Variants in GRAMD2B observed in about 807,000 individuals in gnomAD.
GRAMD2B encodes GRAM domain-containing protein 2B.
Under a neutral mutation model 59.2 loss-of-function variants are expected in GRAMD2B, and 41 were observed. The ratio of observed to expected loss-of-function variants is 0.69; its 90% CI spans 0.54 to 0.90. The LOEUF is 0.90. GRAMD2B is among the 40% of genes least tolerant of loss of function. The probability of loss-of-function intolerance (pLI) is 0.00; values close to 1 mark genes in which losing one functional copy is unlikely to be tolerated. For synonymous variants in GRAMD2B, 161 were observed against 182.7 expected (o/e 0.88, Z 0.96); for missense variants, 424 against 500.5 (o/e 0.85, Z 1.46).
chr5:126,468,179 C>T (rs1225322274), intron 2 of GRAMD2B, among the ~76,000 whole-genome samples: 3 of 152,156 alleles, frequency 2.0e-5, no homozygotes, highest in African/African-American at 4.8e-5. Context: ...GAAATGACTG[C>T]GTTTAGCCGT....
In GRAMD2B at chr5:126,371,495, C is replaced by T. The variant is rs139792816; in HGVS notation, c.53C>T (p.Pro18Leu). 459 of 1,289,254 alleles carry T rather than the reference C, an allele frequency of 3.6e-4. No homozygotes were observed. In the African/African-American group the frequency reaches 3.9e-3, roughly 11 times the overall value. 79.9% of individuals were successfully genotyped at this position (1,289,254 alleles called of 1,614,324 possible). A position where few individuals can be genotyped will look rare whatever the true frequency, so the allele number is the denominator to read the frequency against. ...GACACGGTGTTCCGGTTTGAGACTC[C>T]GGGCAGCCCAAGGAAGGCCAACGTG... The change falls in exon 1 of 9, where the codon CCG becomes CTG. Residue 18 changes from proline to leucine, a missense_variant. Pro to Leu is a moderately conservative substitution (Grantham distance 98). Coordinates refer to the GRAMD2B transcript ENST00000506445.
chr5:126,380,522 C>T (rs1755576304), intron 1 of GRAMD2B, among the ~76,000 whole-genome samples: 1 of 152,148 alleles, frequency 6.6e-6, no homozygotes, highest in Non-Finnish European at 1.5e-5. Flanking sequence ...TTCATTCTAC[C>T]TATCCATGAG....
intron 10 of GRAMD2B, among the ~76,000 whole-genome samples, chr5:126,485,094 T>A (rs1428028282): frequency 6.6e-6 from 1 of 152,176 alleles, no homozygotes; most frequent in Non-Finnish European, 1.5e-5. Context: ...TTTCTGTTAC[T>A]GTAACCCCAG....
intron 1 of GRAMD2B, among the ~76,000 whole-genome samples, chr5:126,385,821 C>T (rs892488320): frequency 6.6e-6 from 1 of 152,036 alleles, no homozygotes; most frequent in African/African-American, 2.4e-5. Flanking sequence ...TCCATGGAGT[C>T]GTAAAGCAGC....
At chr5:126,368,521 G>T (rs1284542809), upstream of GRAMD2B, among the ~76,000 whole-genome samples, 2 of 152,136 alleles carry the variant, frequency 1.3e-5, no homozygotes, top group African/African-American at 4.8e-5. Flanking sequence ...GAAATTCACC[G>T]GGCAAGCCCC....
At position 126,473,364 on chromosome 5, in the gene GRAMD2B, C is replaced by A; in HGVS notation, c.482C>A (p.Thr161Lys). The change falls in exon 5 of 14, where the codon ACA becomes AAA. Residue 161 changes from threonine (T) to lysine (K), a missense_variant. Thr to Lys is a moderately conservative substitution (Grantham distance 78). Transcript: ENST00000285689. Reference sequence around the variant, plus strand: ...CATTCCAAAGTCTTTGGAAAAGACACAAAGGTTGGTATAATTAAAAAAAAA... The same window carrying A: ...CATTCCAAAGTCTTTGGAAAAGACAAAAAGGTTGGTATAATTAAAAAAAAA... ...CFHSKVFGKD[T>K]KISIPAFSVT... 2.3e-6 allele frequency: 3 copies of A among 1,328,218 alleles called. No homozygotes were observed. Among genetic ancestry groups the A allele is most frequent in the Non-Finnish European group, 1.0e-6 (1 of 965,778 alleles). 82.3% of individuals were successfully genotyped at this position (1,328,218 alleles called of 1,614,324 possible).
At position 126,447,671 on chromosome 5, in the gene GRAMD2B, G is replaced by GAAAA. The variant is rs113356500; in HGVS notation, c.84-17743_84-17740dup. 4.5e-3 allele frequency among the ~76,000 whole-genome samples: 539 copies of GAAAA among 120,170 alleles called. 7 individuals are homozygous for GAAAA. The highest frequency in any genetic ancestry group is 0.015 in the African/African-American group (519 of 34,452). 78.8% of individuals were successfully genotyped at this position (120,170 alleles called of 152,430 possible). A position where few individuals can be genotyped will look rare whatever the true frequency, so the allele number is the denominator to read the frequency against. On this transcript the variant is annotated intron_variant, in intron 1 of 13. Coordinates refer to ENST00000285689, the MANE Select transcript of GRAMD2B (RefSeq NM_023927.4). ...AGAGCAAGACTCCGTCTCAAAAAAAGAAAAAAAAAAAAAAAGAAAGAGATC... is the reference window on the plus strand; with the variant it reads ...AGAGCAAGACTCCGTCTCAAAAAAAGAAAAAAAAAAAAAAAAAAAGAAAGAGATC...
intron 1 of GRAMD2B, among the ~76,000 whole-genome samples, chr5:126,460,970 C>G (rs1215405520): frequency 6.6e-6 from 1 of 152,142 alleles, no homozygotes; most frequent in Non-Finnish European, 1.5e-5. Flanking sequence ...GTAAAACTAC[C>G]TCTACTTCTA....
intron 6 of GRAMD2B, among the ~76,000 whole-genome samples, chr5:126,479,085 AGAGG>A (rs1771205268): frequency 6.6e-6 from 1 of 152,234 alleles, no homozygotes; most frequent in Non-Finnish European, 1.5e-5. Context: ...TTGGCAAGAA[AGAGG>A]GAGTGGAGTG....
rs975248127 is a variant in GRAMD2B at position 126,427,250 on chromosome 5, A to G, written c.83+3561A>G. Among the ~76,000 whole-genome samples, 42 of 152,198 alleles carry G rather than the reference A, an allele frequency of 2.8e-4. No individual in the cohort carries two copies. In the South Asian group the frequency reaches 4.4e-3, roughly 16 times the overall value. ...TACGTTAGGTATTTCTCCTAATGCA[A>G]TCCCTCCCCCAAACCCCTACCCTTG... is the stretch of plus-strand genomic sequence containing the variant. On this transcript the variant is annotated intron_variant, in intron 1 of 13. Coordinates refer to ENST00000285689, the MANE Select transcript of GRAMD2B (RefSeq NM_023927.4).
chr5:126,395,809 A>G (rs1757316255), intron 1 of GRAMD2B, among the ~76,000 whole-genome samples: 1 of 152,106 alleles, frequency 6.6e-6, no homozygotes, highest in South Asian at 2.1e-4. Flanking sequence ...TTTCAGTTTT[A>G]TTGAGGTATA....
In GRAMD2B at chr5:126,411,404, G is replaced by A. The variant is rs1580841860; in HGVS notation, c.125+39837G>A. 2.0e-5 allele frequency among the ~76,000 whole-genome samples: 3 copies of A among 152,228 alleles called. No individual in the cohort carries two copies. In the East Asian group the frequency reaches 5.8e-4, roughly 29 times the overall value. ...TTTTTGACAACTTTGTCAAAGGTCA[G>A]ATGACTGTAGGCATGTGGCTTGATT... On this transcript the variant is annotated intron_variant, in intron 1 of 8. Coordinates refer to the GRAMD2B transcript ENST00000506445.
intron 1 of GRAMD2B, among the ~76,000 whole-genome samples, chr5:126,362,285 A>C (rs1026333109): frequency 3.3e-5 from 5 of 152,216 alleles, no homozygotes; most frequent in Admixed American, 6.5e-5. Context: ...GTTTTAAAAA[A>C]TTGCAGGATG....
chr5:126,410,493 CT>C (rs879584607), intron 1 of GRAMD2B, among the ~76,000 whole-genome samples: 2 of 151,746 alleles, frequency 1.3e-5, no homozygotes, highest in Admixed American at 1.3e-4. Flanking sequence ...CTCTGTTTGT[CT>C]GTTATTGGTG....
At chr5:126,481,098 C>T (rs1292885664) in intron 8 of GRAMD2B, among the ~76,000 whole-genome samples, 2 of 151,114 alleles carry the variant, frequency 1.3e-5, no homozygotes, top group Non-Finnish European at 1.5e-5. Context: ...CATGCTAGTG[C>T]ACACTGTAGG....
At chr5:126,409,786 T>C (rs1319591101) in intron 1 of GRAMD2B, among the ~76,000 whole-genome samples, 1 of 152,174 alleles carries the variant, frequency 6.6e-6, no homozygotes, top group Non-Finnish European at 1.5e-5. Context: ...TGAATGGTAA[T>C]GCCTAGGTTT....
chr5:126,423,563 C>A lies in GRAMD2B; in HGVS notation c.-44C>A. 1 of 1,594,384 alleles carries A rather than the reference C, an allele frequency of 6.3e-7. No individual in the cohort carries two copies. Among genetic ancestry groups the A allele is most frequent in the East Asian group, 2.3e-5 (1 of 44,164 alleles). On this transcript the variant is annotated 5_prime_UTR_variant, in exon 1 of 14. Coordinates refer to ENST00000285689, the MANE Select transcript of GRAMD2B (RefSeq NM_023927.4). ...GAAGCCGGGACGAGCCGGGGCAGAG[C>A]CAGGCGCGCGGAAGTCTGAAGGTGC... is the stretch of plus-strand genomic sequence containing the variant.
intron 1 of GRAMD2B, among the ~76,000 whole-genome samples, chr5:126,460,296 A>G (rs903793187): frequency 8.5e-5 from 13 of 152,132 alleles, no homozygotes; most frequent in African/African-American, 3.1e-4. Flanking sequence ...AACAGGGGTA[A>G]AAAGAAAATT....
At chr5:126,415,633 A>G (rs1759206514) in intron 1 of GRAMD2B, among the ~76,000 whole-genome samples, 2 of 152,190 alleles carry the variant, frequency 1.3e-5, no homozygotes, top group Non-Finnish European at 2.9e-5. Flanking sequence ...CTACTTGAGA[A>G]AAGTAGAAAA....
Sources: gnomAD v4.1 joint callset for allele counts (sites outside exome capture counted in the v4.1 genomes callset) on GRCh38, gnomAD v4.1.1 for gene constraint, MANE v1.5 for transcripts, NCBI Gene and HGNC (gene_info 2026-07-23, HGNC 2026-07-21) for gene names.